The following MREG variants were observed in gnomAD, a reference collection of about 807,000 sequenced individuals.
MREG encodes the protein dilute suppressor protein homolog.
MREG carries 31 observed loss-of-function variants against 28.5 expected under a neutral mutation model. The observed-to-expected ratio is 1.09, with a 90% CI of 0.82 to 1.47. The LOEUF (loss-of-function observed/expected upper bound fraction) is 1.47, where lower values mean the gene tolerates loss of function less well. MREG is among the 40% of genes most tolerant of loss of function. MREG has a pLI of 0.00. For synonymous variants in MREG, 106 were observed against 95.2 expected, an observed-to-expected ratio of 1.11 and a Z score of -0.66; for missense variants, 256 against 257.4, an observed-to-expected ratio of 0.99 and a Z score of 0.04.
At chr2:216,010,472 C>T (rs1694271639) in intron 1 of MREG, among the ~76,000 whole-genome samples, 1 of 148,300 alleles carries the variant, frequency 6.7e-6, no homozygotes, top group Non-Finnish European at 1.5e-5. Flanking sequence ...ATTCTCCTGC[C>T]TCAACCTCCC....
At chr2:216,023,283 G>A (rs562081725) in intron 1 of MREG, among the ~76,000 whole-genome samples, 1 of 152,176 alleles carries the variant, frequency 6.6e-6, no homozygotes, top group South Asian at 2.1e-4. Context: ...TTGGAGATGG[G>A]GCTAAGGATC....
At chr2:215,940,185 T>A (rs1483531873), downstream of MREG, among the ~76,000 whole-genome samples, 1 of 152,212 alleles carries the variant, frequency 6.6e-6, no homozygotes, top group Non-Finnish European at 1.5e-5. Flanking sequence ...TACCCAAATG[T>A]CCATCCATAG....
At chr2:215,940,182 A>C (rs140518240), downstream of MREG, among the ~76,000 whole-genome samples, 206 of 152,368 alleles carry the variant, frequency 1.4e-3, 1 homozygote, top group African/African-American at 4.8e-3. Context: ...GGATACCCAA[A>C]TGTCCATCCA....
At chr2:215,979,651 TAACCTC>T (rs1250380334) in intron 2 of MREG, among the ~76,000 whole-genome samples, 1 of 152,016 alleles carries the variant, frequency 6.6e-6, no homozygotes, top group East Asian at 1.9e-4. Flanking sequence ...AAAAGTCACT[TAACCTC>T]TTGGGTCTCT....
upstream of MREG, among the ~76,000 whole-genome samples, chr2:216,033,452 T>C (rs1694742790): frequency 6.6e-6 from 1 of 152,056 alleles, no homozygotes. Context: ...CTAAAATCTG[T>C]ACTTCATGGA....
chr2:215,985,707 T>C (rs1474110391), intron 2 of MREG, among the ~76,000 whole-genome samples: 1 of 152,198 alleles, frequency 6.6e-6, no homozygotes, highest in Non-Finnish European at 1.5e-5. Context: ...AGATTGTACA[T>C]ACACTGTCTT....
intron 1 of MREG, among the ~76,000 whole-genome samples, chr2:216,028,999 G>A (rs373864778): frequency 2.4e-4 from 37 of 152,282 alleles, no homozygotes; most frequent in African/African-American, 8.2e-4. Context: ...GGAATATGGA[G>A]TTAAGTGCAG....
At chr2:216,000,261 C>T (rs751442835) in intron 1 of MREG, among the ~76,000 whole-genome samples, 8 of 151,950 alleles carry the variant, frequency 5.3e-5, no homozygotes, top group Admixed American at 1.3e-4. Context: ...GACAGTCCCC[C>T]CAACATGAGT....
At chr2:215,974,868 T>C (rs1338695195) in intron 2 of MREG, among the ~76,000 whole-genome samples, 3 of 150,214 alleles carry the variant, frequency 2.0e-5, no homozygotes, top group Non-Finnish European at 3.0e-5. Context: ...TCTCTCTCTC[T>C]CTCTCTCCCT....
chr2:216,011,267 G>A (rs553361965), intron 1 of MREG, among the ~76,000 whole-genome samples: 27 of 152,082 alleles, frequency 1.8e-4, no homozygotes, highest in African/African-American at 6.0e-4. Flanking sequence ...ATACACACAC[G>A]CCACTGTTCC....
chr2:215,976,674 G>T (rs550894140), intron 2 of MREG, among the ~76,000 whole-genome samples: 25 of 152,272 alleles, frequency 1.6e-4, no homozygotes, highest in Admixed American at 6.5e-4. Context: ...GACTAACAGC[G>T]GATCTCTCAG....
chr2:216,030,268 C>G (rs542758612), intron 1 of MREG, among the ~76,000 whole-genome samples: 18 of 152,112 alleles, frequency 1.2e-4, no homozygotes, highest in Non-Finnish European at 2.1e-4. Flanking sequence ...CTTCATTGTC[C>G]TTGGTGCTGG....
intron 1 of MREG, among the ~76,000 whole-genome samples, chr2:216,029,454 C>G (rs1033498394): frequency 7.9e-6 from 1 of 126,988 alleles, no homozygotes; most frequent in Non-Finnish European, 1.7e-5. Flanking sequence ...CTCCGCCTGG[C>G]GAGAGAGTGA....
At chr2:215,968,593 C>T (rs989882626) in intron 2 of MREG, among the ~76,000 whole-genome samples, 3 of 152,150 alleles carry the variant, frequency 2.0e-5, no homozygotes, top group Admixed American at 6.5e-5. Context: ...CCCTGCCCTA[C>T]GCCCAGGGCC....
At chr2:215,973,571 C>G (rs1041116474) in intron 2 of MREG, among the ~76,000 whole-genome samples, 1 of 152,130 alleles carries the variant, frequency 6.6e-6, no homozygotes, top group Non-Finnish European at 1.5e-5. Flanking sequence ...AATGGATAAA[C>G]GCAGGTCCCT....
intron 2 of MREG, among the ~76,000 whole-genome samples, chr2:215,991,822 T>A (rs927144193): frequency 2.0e-5 from 3 of 152,132 alleles, no homozygotes; most frequent in African/African-American, 7.2e-5. Flanking sequence ...CCCGGACACA[T>A]ACACACTCCT....
intron 2 of MREG, among the ~76,000 whole-genome samples, chr2:215,971,250 T>A (rs1250090327): frequency 6.6e-6 from 1 of 152,164 alleles, no homozygotes; most frequent in African/African-American, 2.4e-5. Context: ...GGCACATGTA[T>A]GTCTATGTAA....
At chr2:215,988,331 G>A (rs1009509359) in intron 2 of MREG, among the ~76,000 whole-genome samples, 1 of 152,162 alleles carries the variant, frequency 6.6e-6, no homozygotes, top group Non-Finnish European at 1.5e-5. Context: ...AGCTGTGAGG[G>A]ATCGTGCTGT....
intron 1 of MREG, among the ~76,000 whole-genome samples, chr2:216,019,665 C>T (rs934943516): frequency 2.0e-5 from 3 of 151,908 alleles, no homozygotes; most frequent in Non-Finnish European, 2.9e-5. Context: ...CCACCATGCC[C>T]GGCTAATTGT....
Sources: gnomAD v4.1 joint callset for allele counts (sites outside exome capture counted in the v4.1 genomes callset) on GRCh38, gnomAD v4.1.1 for gene constraint, MANE v1.5 for transcripts, NCBI Gene and HGNC (gene_info 2026-07-23, HGNC 2026-07-21) for gene names.